PML: variants seen among roughly 807,000 people sequenced by gnomAD.
PML encodes the protein PML nuclear body scaffold.
A neutral mutation model predicts 65.2 loss-of-function variants in PML; 28 were observed. The ratio of observed to expected loss-of-function variants is 0.43; its 90% CI spans 0.32 to 0.59. PML has a LOEUF of 0.59. Among genes scored for constraint, PML ranks in the 20% least tolerant of loss-of-function variants. The probability of loss-of-function intolerance (pLI) is 0.08; values close to 1 mark genes in which losing one functional copy is unlikely to be tolerated. For synonymous variants in PML, 500 were observed against 508.8 expected, an observed-to-expected ratio of 0.98 and a Z score of 0.23; for missense variants, 1,021 against 1,203.4, an observed-to-expected ratio of 0.85 and a Z score of 2.24.
chr15:74,024,109 G>A (rs2070968675), intron 3 of PML, among the ~76,000 whole-genome samples: 1 of 152,110 alleles, frequency 6.6e-6, no homozygotes, highest in East Asian at 1.9e-4. Flanking sequence ...ATAAGGGGTA[G>A]GGGGAGTGTG....
At chr15:74,018,791 A>C (rs894089846) in intron 2 of PML, among the ~76,000 whole-genome samples, 7 of 152,162 alleles carry the variant, frequency 4.6e-5, no homozygotes, top group Admixed American at 2.0e-4. Flanking sequence ...ATTTCTTATT[A>C]AGTTAGTGGT....
intron 6 of PML, chr15:74,033,989 C>A: frequency 3.1e-6 from 1 of 324,066 alleles, no homozygotes. Flanking sequence ...AGCTTTGTTC[C>A]TCATTCTGAC....
At chr15:73,996,069 A>G (rs890693488) in intron 1 of PML, among the ~76,000 whole-genome samples, 2 of 152,196 alleles carry the variant, frequency 1.3e-5, no homozygotes, top group Non-Finnish European at 2.9e-5. Context: ...GTATTTTACA[A>G]AATGTGGTAA....
intron 7 of PML, chr15:74,036,998 C>G (rs903451726): frequency 1.0e-6 from 1 of 985,340 alleles, no homozygotes; most frequent in Non-Finnish European, 1.2e-6. Context: ...AGAATTGCAG[C>G]TCCCTGCCCA....
chr15:74,016,590 A>G (rs2070587562), intron 2 of PML, among the ~76,000 whole-genome samples: 1 of 152,032 alleles, frequency 6.6e-6, no homozygotes, highest in Non-Finnish European at 1.5e-5. Context: ...AAGTTTAGGA[A>G]AATCTAAATA....
chr15:74,040,812 G>T (rs1249614705), intron 7 of PML, among the ~76,000 whole-genome samples: 2 of 152,218 alleles, frequency 1.3e-5, no homozygotes, highest in Admixed American at 1.3e-4. Context: ...TGGAAAGGGG[G>T]TGTCCTTTTA....
In PML at chr15:74,044,361, T is replaced by C; in HGVS notation, c.2002T>C (p.Ser668Pro). 6.2e-7 allele frequency: 1 copy of C among 1,614,180 alleles called. No homozygotes were observed. Among genetic ancestry groups the C allele is most frequent in the Non-Finnish European group, 8.5e-7 (1 of 1,180,022 alleles). The change falls in exon 9 of 9, where the codon TCC (serine) becomes CCC (proline). Residue 668 changes from serine to proline, a missense_variant. Ser to Pro is a moderately conservative substitution (Grantham distance 74). Coordinates refer to ENST00000268058, the MANE Select transcript of PML (RefSeq NM_033238.3). ...GCAGCACTTCCTCAGCTTTCTGAGC[T>C]CCATGCGCCGCCCTATCTTGGCCTG... ...GLQHFLSFLS[S>P]MRRPILACYK...
rs557138076 is a variant in PML at position 74,037,066 on chromosome 15, C to T, written c.1710+2536C>T. Reference sequence around the variant, plus strand: ...CGCCTCTGTGCTGCCACCTGGAGACCGAGATCTGCAGGAGAAAGGCCTGGG... The same window carrying T: ...CGCCTCTGTGCTGCCACCTGGAGACTGAGATCTGCAGGAGAAAGGCCTGGG... On this transcript the variant is annotated intron_variant, in intron 7 of 8. Transcript: ENST00000268058. This position sits in a 1 kb window ranked among gnomAD's most constrained non-coding sequence, Gnocchi z 4.2. 5.9e-5 allele frequency: 58 copies of T among 985,340 alleles called. No individual in the cohort carries two copies. In the South Asian group the frequency reaches 1.1e-3, roughly 19 times the overall value. The allele number at this position is 985,340 out of a possible 1,614,324, so 61.0% of individuals were successfully genotyped here. A position where few individuals can be genotyped will look rare whatever the true frequency, so the allele number is the denominator to read the frequency against.
chr15:74,023,819 G>T (rs1338071541), intron 3 of PML, among the ~76,000 whole-genome samples: 2 of 152,128 alleles, frequency 1.3e-5, no homozygotes, highest in Admixed American at 6.6e-5. Flanking sequence ...GTAGAAGGGG[G>T]CTAAGAAAAC....
At chr15:74,040,459 C>T (rs769936068) in intron 7 of PML, among the ~76,000 whole-genome samples, 20 of 152,150 alleles carry the variant, frequency 1.3e-4, no homozygotes, top group Non-Finnish European at 2.1e-4. Context: ...TCCTAATTTG[C>T]GGAATAAGGC....
chr15:74,034,561 C>T, intron 7 of PML, 31 bp downstream of exon 7: 3 of 1,614,186 alleles, frequency 1.9e-6, no homozygotes, highest in Non-Finnish European at 1.7e-6. Flanking sequence ...GCCCAGGACT[C>T]CTGCCTCCCC....
intron 7 of PML, chr15:74,036,321 C>T (rs963587906): frequency 2.8e-6 from 4 of 1,431,308 alleles, no homozygotes; most frequent in Non-Finnish European, 2.7e-6. Flanking sequence ...AGGATCTAAG[C>T]CCATGAGCAC....
chr15:74,030,079 C>T (rs1389726664), intron 4 of PML, among the ~76,000 whole-genome samples: 1 of 152,136 alleles, frequency 6.6e-6, no homozygotes, highest in Non-Finnish European at 1.5e-5. Context: ...GTGCTGGGGC[C>T]ATCCCTGCCT....
rs186706548 is a variant in PML at position 73,999,937 on chromosome 15, C to T, written c.602+1461C>T. Among the ~76,000 whole-genome samples the T allele has an allele frequency of 2.5e-3, 385 of 151,140 alleles. 3 individuals carry two copies. The highest frequency in any genetic ancestry group is 9.0e-3 in the African/African-American group (368 of 41,106). On this transcript the variant is annotated intron_variant, in intron 2 of 8. Coordinates refer to ENST00000268058, the MANE Select transcript of PML (RefSeq NM_033238.3). ...GCAACCTCCACCTCCCGGGTTCACGCCATTTTCCTGCCTCAGCCTCCCAAG... is the reference window on the plus strand; with the variant it reads ...GCAACCTCCACCTCCCGGGTTCACGTCATTTTCCTGCCTCAGCCTCCCAAG...
chr15:74,012,795 G>A (rs972461987), intron 2 of PML, among the ~76,000 whole-genome samples: 2 of 149,288 alleles, frequency 1.3e-5, no homozygotes, highest in African/African-American at 5.0e-5. Flanking sequence ...TTTTGATTGA[G>A]CTCTTAATTG....
intron 4 of PML, 141 bp from the exon 5 acceptor site, chr15:74,032,431 A>G: frequency 2.4e-6 from 2 of 847,384 alleles, no homozygotes; most frequent in Non-Finnish European, 3.9e-6. Flanking sequence ...TCTTGTCCCC[A>G]GTGAGCTCGG....
chr15:74,030,056 A>G (rs1333925693), intron 4 of PML, among the ~76,000 whole-genome samples: 1 of 152,342 alleles, frequency 6.6e-6, no homozygotes, highest in East Asian at 1.9e-4. Context: ...TGGCACACCC[A>G]GGAGCCAGCA....
At chr15:74,003,494 C>T (rs995081235) in intron 2 of PML, among the ~76,000 whole-genome samples, 15 of 152,168 alleles carry the variant, frequency 9.9e-5, no homozygotes, top group Non-Finnish European at 2.1e-4. Context: ...GAACCTATCT[C>T]ATCTATCACC....
At chr15:73,994,997 G>A (rs1010439183) in intron 1 of PML, 56 bp downstream of exon 1, 2 of 1,446,308 alleles carry the variant, frequency 1.4e-6, no homozygotes, top group Admixed American at 2.4e-5. Context: ...CTGTGGTGGG[G>A]AGAGGCGGGA....
Sources: gnomAD v4.1 joint callset for allele counts (sites outside exome capture counted in the v4.1 genomes callset) on GRCh38, gnomAD v4.1.1 for gene constraint, Gnocchi (gnomAD v3.1) non-coding constraint, MANE v1.5 for transcripts, NCBI Gene and HGNC (gene_info 2026-07-23, HGNC 2026-07-21) for gene names.